SLC1A1: variants seen among roughly 807,000 people sequenced by gnomAD.
SLC1A1 encodes excitatory amino acid transporter 3.
In SLC1A1, 43 loss-of-function variants were observed where a neutral mutation model predicts 53.3. That is an observed-to-expected ratio of 0.81 (90% CI 0.63 to 1.04). The LOEUF (loss-of-function observed/expected upper bound fraction) is 1.04. SLC1A1 is among the 50% of genes least tolerant of loss of function. The probability of loss-of-function intolerance (pLI) is 0.00; values close to 1 mark genes in which losing one functional copy is unlikely to be tolerated. For missense variants in SLC1A1, 748 were observed against 664.9 expected (o/e 1.12, Z -1.37); for synonymous variants, 307 against 243.2 (o/e 1.26, Z -2.44).
At chr9:4,500,715 CCT>C (rs1820602300) in intron 1 of SLC1A1, among the ~76,000 whole-genome samples, 1 of 152,168 alleles carries the variant, frequency 6.6e-6, no homozygotes, top group Non-Finnish European at 1.5e-5. Context: ...CACAGTAACA[CCT>C]CTGTTAATAG....
intron 1 of SLC1A1, among the ~76,000 whole-genome samples, chr9:4,493,308 T>C (rs964712506): frequency 1.3e-5 from 2 of 152,200 alleles, no homozygotes; most frequent in Non-Finnish European, 2.9e-5. Context: ...TTCTTCAGAG[T>C]ACTGGGCCTG....
Position 4,585,577 on chromosome 9 carries a change from A to C in SLC1A1, c.*19A>C, listed in dbSNP as rs753975923. On this transcript the variant is annotated 3_prime_UTR_variant, in exon 12 of 12. Transcript: ENST00000262352. ...GTTCTAGGGCCCCTGGCTGCAGATG[A>C]CTGGAAACAAGGAAGGACATTTCCG... 1.6e-5 allele frequency: 26 copies of C among 1,614,198 alleles called. No individual in the cohort carries two copies. The South Asian group carries it at 1.9e-4, about 12-fold the overall frequency.
chr9:4,510,529 G>A (rs996676525), intron 1 of SLC1A1, among the ~76,000 whole-genome samples: 8 of 152,110 alleles, frequency 5.3e-5, no homozygotes, highest in Admixed American at 1.3e-4. Context: ...AACAGTACCT[G>A]GCTTCCAGTA....
chr9:4,582,459 A>T (rs1821188519), intron 10 of SLC1A1, among the ~76,000 whole-genome samples: 1 of 152,202 alleles, frequency 6.6e-6, no homozygotes, highest in Non-Finnish European at 1.5e-5. Context: ...GAGTGCATAA[A>T]GCCTGCTTAA....
At chr9:4,513,531 TA>T (rs879901433) in intron 1 of SLC1A1, among the ~76,000 whole-genome samples, 1 of 150,956 alleles carries the variant, frequency 6.6e-6, no homozygotes, top group South Asian at 2.1e-4. Flanking sequence ...TTAGAGTGGC[TA>T]AAAAAAAATA....
intron 1 of SLC1A1, among the ~76,000 whole-genome samples, chr9:4,492,950 C>T (rs979883186): frequency 1.3e-5 from 2 of 152,142 alleles, no homozygotes; most frequent in Admixed American, 1.3e-4. Context: ...CGTCAGCATG[C>T]GATTCACTGG....
chr9:4,575,211 G>A lies in SLC1A1; in HGVS notation c.876-790G>A, dbSNP rs541081633. 1.1e-4 allele frequency among the ~76,000 whole-genome samples: 16 copies of A among 152,144 alleles called. 1 individual carries two copies. The South Asian group carries it at 2.3e-3, about 22-fold the overall frequency. ...GAACTCCAGGATCTATATTTTTGAT[G>A]GCCATTTCCTATTTCAAACACACAT... On this transcript the variant is annotated intron_variant, in intron 8 of 11. Transcript: ENST00000262352.
rs12004546 is a variant in SLC1A1, at chr9:4,529,921, A to G, written c.92-14646A>G. On this transcript the variant is annotated intron_variant, in intron 1 of 11. Transcript: ENST00000262352. ...CTTTTAGAGTTCTCAGTCACCTGTA[A>G]GATACATGCCTTGAATGCTACCAGG... 7.2e-3 allele frequency among the ~76,000 whole-genome samples: 1,098 copies of G among 152,282 alleles called. 10 individuals are homozygous for G. The highest frequency in any genetic ancestry group is 0.025 in the African/African-American group (1,041 of 41,568).
chr9:4,497,221 C>T (rs1409951017), intron 1 of SLC1A1, among the ~76,000 whole-genome samples: 2 of 152,116 alleles, frequency 1.3e-5, no homozygotes, highest in African/African-American at 2.4e-5. Flanking sequence ...TTTAATCTTT[C>T]CATCAAGCAT....
chr9:4,516,299 C>G (rs1029622731), intron 1 of SLC1A1, among the ~76,000 whole-genome samples: 1 of 152,170 alleles, frequency 6.6e-6, no homozygotes, highest in African/African-American at 2.4e-5. Context: ...TGGCAGATTG[C>G]ACTCCAGTGT....
Position 4,580,601 on chromosome 9 carries a change from A to ATGTGTGTGTGTGTGTG in SLC1A1, c.1194-2401_1194-2386dup, listed in dbSNP as rs71326118. Among the ~76,000 whole-genome samples the ATGTGTGTGTGTGTGTG allele has an allele frequency of 1.4e-3, 99 of 69,672 alleles. 1 individual carries two copies. The highest frequency in any genetic ancestry group is 3.2e-3 in the African/African-American group (64 of 19,766). 45.7% of individuals were successfully genotyped at this position (69,672 alleles called of 152,430 possible). A position where few individuals can be genotyped will look rare whatever the true frequency, so the allele number is the denominator to read the frequency against. ...GTCTCTGGAAAAAAAAAAAATATAT[A>ATGTGTGTGTGTGTGTG]TGTGTGTGTGTGTGTGTGTGTGTGT... On this transcript the variant is annotated intron_variant, in intron 10 of 11. Coordinates refer to ENST00000262352, the MANE Select transcript of SLC1A1 (RefSeq NM_004170.6).
chr9:4,495,940 G>C (rs1820399224), intron 1 of SLC1A1, among the ~76,000 whole-genome samples: 1 of 152,158 alleles, frequency 6.6e-6, no homozygotes, highest in Non-Finnish European at 1.5e-5. Context: ...TGTTGAGTTT[G>C]AGGAGCCAGA....
intron 1 of SLC1A1, among the ~76,000 whole-genome samples, chr9:4,538,630 G>A (rs78513373): frequency 0.014 from 2,200 of 152,266 alleles, 24 homozygotes; most frequent in Middle Eastern, 0.027. Flanking sequence ...AGGCAGAGCT[G>A]CTATAATATA....
chr9:4,549,671 C>A lies in SLC1A1; in HGVS notation c.232+4964C>A, dbSNP rs1327178858. 6.6e-6 allele frequency among the ~76,000 whole-genome samples: 1 copy of A among 152,178 alleles called. No homozygotes were observed. Among genetic ancestry groups the A allele is most frequent in the Non-Finnish European group, 1.5e-5 (1 of 68,026 alleles). On this transcript the variant is annotated intron_variant, in intron 2 of 11. Transcript: ENST00000262352. This position sits in a 1 kb window ranked among gnomAD's most constrained non-coding sequence, Gnocchi z 4.1. ...TGTCCTGACCTGGAGTGACCTCTTC[C>A]TGGGATGCTTGCCATTGTGGAATAT...
chr9:4,575,849 A>C, intron 8 of SLC1A1, 152 bp from the exon 9 acceptor site: 1 of 784,288 alleles, frequency 1.3e-6, no homozygotes, highest in Non-Finnish European at 2.1e-6. Flanking sequence ...CATACATGGA[A>C]TGGGACGTAT....
Position 4,587,147 on chromosome 9 carries a change from CATA to C in SLC1A1, c.*1592_*1594del, listed in dbSNP as rs1229224591. ...GACGACCTACATCTGAAATCTACAA[CATA>C]ATGATACTGAATTGTTATGTAAACA... On this transcript the variant is annotated 3_prime_UTR_variant, in exon 12 of 12. Coordinates refer to ENST00000262352, the MANE Select transcript of SLC1A1 (RefSeq NM_004170.6). 2.0e-5 allele frequency: 3 copies of C among 152,658 alleles called. No homozygotes were observed. Among genetic ancestry groups the C allele is most frequent in the South Asian group, 2.1e-4 (1 of 4,806 alleles). 9.5% of individuals were successfully genotyped at this position (152,658 alleles called of 1,614,324 possible).
intron 2 of SLC1A1, among the ~76,000 whole-genome samples, chr9:4,545,187 A>ACGTC (rs1482539598): frequency 4.1e-5 from 2 of 48,994 alleles, no homozygotes; most frequent in African/African-American, 1.3e-4. Context: ...AATACATTAG[A>ACGTC]TGTCTCTCTC....
intron 1 of SLC1A1, among the ~76,000 whole-genome samples, chr9:4,533,892 AG>A (rs1265758417): frequency 6.6e-6 from 1 of 152,230 alleles, no homozygotes; most frequent in Non-Finnish European, 1.5e-5. Context: ...ACTAGAACTC[AG>A]GATTGAGAAA....
chr9:4,567,801 G>A (rs1819630457), intron 6 of SLC1A1, 34 bp downstream of exon 6: 1 of 1,297,624 alleles, frequency 7.7e-7, no homozygotes, highest in African/African-American at 1.5e-5. Context: ...TCTTCCCCAG[G>A]AGACAGGCAC....
Sources: gnomAD v4.1 joint callset for allele counts (sites outside exome capture counted in the v4.1 genomes callset) on GRCh38, gnomAD v4.1.1 for gene constraint, Gnocchi (gnomAD v3.1) non-coding constraint, MANE v1.5 for transcripts, NCBI Gene and HGNC (gene_info 2026-07-23, HGNC 2026-07-21) for gene names.